The following STOX1 variants were observed in gnomAD, a reference collection of about 807,000 sequenced individuals.
STOX1 encodes storkhead-box protein 1.
STOX1 carries 57 observed loss-of-function variants against 74.8 expected under a neutral mutation model. That is an observed-to-expected ratio of 0.76 (90% confidence interval 0.62 to 0.95). The LOEUF (loss-of-function observed/expected upper bound fraction) is 0.95. Among genes scored for constraint, STOX1 ranks in the 40% least tolerant of loss-of-function variants. The pLI, the probability that STOX1 is intolerant of heterozygous loss-of-function variation, is 0.00. For missense variants in STOX1, 1,010 were observed against 1,117.0 expected, an observed-to-expected ratio of 0.90 and a Z score of 1.37; for synonymous variants, 375 against 401.3, an observed-to-expected ratio of 0.93 and a Z score of 0.78.
At position 68,886,249 on chromosome 10, in the gene STOX1, C is replaced by T. The variant is rs1300030682; in HGVS notation, c.2453C>T (p.Ser818Phe). 6.2e-7 allele frequency: 1 copy of T among 1,614,222 alleles called. No individual in the cohort carries two copies. Residue 818 changes from serine (S) to phenylalanine (F), a missense_variant, in exon 3 of 4, where the codon TCT (serine) becomes TTT (phenylalanine). Coordinates refer to ENST00000298596, the MANE Select transcript of STOX1 (RefSeq NM_152709.5). ...GGTGAAAGCCAAGAACCTAACCTCT[C>T]TGCTGAAAGTTGTGGCCTAAATTCA... ...TPGESQEPNL[S>F]AESCGLNSGA...
intron 1 of STOX1, among the ~76,000 whole-genome samples, chr10:68,863,367 C>T (rs982687287): frequency 5.9e-5 from 9 of 151,874 alleles, no homozygotes; most frequent in South Asian, 2.1e-4. Flanking sequence ...TCAGGTTCTT[C>T]GGGATCCTCC....
intron 1 of STOX1, among the ~76,000 whole-genome samples, chr10:68,836,420 C>T (rs576970799): frequency 6.6e-6 from 1 of 152,336 alleles, no homozygotes; most frequent in South Asian, 2.1e-4. Context: ...TTCTTGTTCA[C>T]TAGACAAACC....
intron 1 of STOX1, among the ~76,000 whole-genome samples, chr10:68,830,389 C>G (rs1200440927): frequency 6.6e-6 from 1 of 152,136 alleles, no homozygotes; most frequent in African/African-American, 2.4e-5. Context: ...GCTGCTCAGG[C>G]TGGAGTGCAA....
chr10:68,831,353 A>G (rs1443970532), intron 1 of STOX1, among the ~76,000 whole-genome samples: 6 of 151,758 alleles, frequency 4.0e-5, no homozygotes, highest in African/African-American at 1.5e-4. Context: ...TGCCCAGCTA[A>G]TTTTTGTATT....
chr10:68,827,758 G>A lies in STOX1; in HGVS notation c.135G>A (p.Ala45=). Residue 45 remains alanine, a synonymous_variant, in exon 1 of 4, where the codon GCG becomes GCA. Transcript: ENST00000298596. ...TCCGCGCTTTCCGTCGCGCCAACGCGCGCTGCTTCTGGAACGCGCGGCTGG... is the reference window on the plus strand; with the variant it reads ...TCCGCGCTTTCCGTCGCGCCAACGCACGCTGCTTCTGGAACGCGCGGCTGG... The part of the protein sequence containing the change: ...AVFRAFRRAN[A]RCFWNARLAR... The A allele has an allele frequency of 1.1e-5, 8 of 749,508 alleles. No individual in the cohort carries two copies. The highest frequency in any genetic ancestry group is 2.5e-5 in the African/African-American group (1 of 40,508). The allele number at this position is 749,508 out of a possible 1,614,324, so 46.4% of individuals were successfully genotyped here.
At chr10:68,831,136 A>G (rs774177467) in intron 1 of STOX1, among the ~76,000 whole-genome samples, 2 of 152,224 alleles carry the variant, frequency 1.3e-5, no homozygotes, top group African/African-American at 2.4e-5. Context: ...GCAAAATGCT[A>G]GAAAAGGACA....
intron 1 of STOX1, among the ~76,000 whole-genome samples, chr10:68,873,905 T>C (rs192339045): frequency 1.3e-5 from 2 of 151,376 alleles, no homozygotes; most frequent in Non-Finnish European, 2.9e-5. Context: ...CGCCTCGGCC[T>C]CTCAAAGTGC....
chr10:68,885,691 G>A lies in STOX1; in HGVS notation c.1895G>A (p.Gly632Glu), dbSNP rs1372051518. 1 of 1,614,074 alleles carries A rather than the reference G, an allele frequency of 6.2e-7. No individual in the cohort carries two copies. The highest frequency in any genetic ancestry group is 1.1e-5 in the South Asian group (1 of 91,070). The stretch of plus-strand genomic sequence containing the variant: ...AGTCATTCCCACTTTGACAAATTAG[G>A]GGAGACCAAACAGACTCCGCATAGT... ...RKSHSHFDKL[G>E]ETKQTPHSLP... Residue 632 changes from glycine to glutamate, a missense_variant, in exon 3 of 4, where the codon GGG (glycine) becomes GAG (glutamate). By Grantham distance (98) the Gly-to-Glu change is moderately conservative. Coordinates refer to ENST00000298596, the MANE Select transcript of STOX1 (RefSeq NM_152709.5).
Position 68,888,094 on chromosome 10 carries a change from C to T in STOX1, c.2822+1476C>T, listed in dbSNP as rs116864498. On this transcript the variant is annotated intron_variant, in intron 3 of 3. Coordinates refer to ENST00000298596, the MANE Select transcript of STOX1 (RefSeq NM_152709.5). ...ACACGCGCGCACACACGCACACACA[C>T]GCGCACACACACATATATGTTTTGA... Among the ~76,000 whole-genome samples, 472 of 151,956 alleles carry T rather than the reference C, an allele frequency of 3.1e-3. 3 individuals are homozygous for T. Among genetic ancestry groups the T allele is most frequent in the Non-Finnish European group, 5.8e-3 (392 of 67,960 alleles).
intron 1 of STOX1, among the ~76,000 whole-genome samples, chr10:68,864,683 T>C (rs1012097675): frequency 6.6e-6 from 1 of 152,200 alleles, no homozygotes; most frequent in Non-Finnish European, 1.5e-5. Flanking sequence ...GAATGATAAG[T>C]TGGAAAAATT....
Position 68,885,592 on chromosome 10 carries a change from C to T in STOX1, c.1796C>T (p.Pro599Leu). The change falls in exon 3 of 4, where the codon CCC becomes CTC. Residue 599 changes from proline to leucine, a missense_variant. Coordinates refer to ENST00000298596, the MANE Select transcript of STOX1 (RefSeq NM_152709.5). ...SMLQNDGKCC[P>L]FMESMLRYEV... Reference sequence around the variant, plus strand: ...TTGCAAAATGATGGTAAATGCTGTCCCTTTATGGAAAGCATGTTGAGATAT... The same window carrying T: ...TTGCAAAATGATGGTAAATGCTGTCTCTTTATGGAAAGCATGTTGAGATAT... 3 of 1,614,058 alleles carry T rather than the reference C, an allele frequency of 1.9e-6. No individual in the cohort carries two copies. The highest frequency in any genetic ancestry group is 2.2e-5 in the South Asian group (2 of 91,076).
At chr10:68,894,886 T>C (rs1841166002), downstream of STOX1, among the ~76,000 whole-genome samples, 1 of 152,096 alleles carries the variant, frequency 6.6e-6, no homozygotes. Context: ...CCACCAGGCT[T>C]GTCTTAATTT....
intron 1 of STOX1, among the ~76,000 whole-genome samples, chr10:68,872,864 T>C (rs565717788): frequency 6.6e-6 from 1 of 152,178 alleles, no homozygotes; most frequent in South Asian, 2.1e-4. Context: ...CCTCTTGGAA[T>C]TGGTTTTGGT....
In STOX1 at chr10:68,892,298, C is replaced by T. The variant is rs116222746; in HGVS notation, c.2823-291C>T. 8.2e-3 allele frequency among the ~76,000 whole-genome samples: 1,225 copies of T among 149,992 alleles called. 25 individuals carry two copies. Among genetic ancestry groups the T allele is most frequent in the African/African-American group, 0.029 (1,155 of 40,332 alleles). On this transcript the variant is annotated intron_variant, in intron 3 of 3. Coordinates refer to ENST00000298596, the MANE Select transcript of STOX1 (RefSeq NM_152709.5). ...CCACTTCAGATATATGGAAGTTTTT[C>T]GGGGAACTTACTGTTTCTGACTAGA...
At chr10:68,833,027 C>G (rs1178623590) in intron 1 of STOX1, among the ~76,000 whole-genome samples, 2 of 151,126 alleles carry the variant, frequency 1.3e-5, no homozygotes, top group East Asian at 3.9e-4. Context: ...GCCTCTGCCT[C>G]TCAAAGTGCT....
chr10:68,857,337 C>G (rs1006999530), intron 1 of STOX1, among the ~76,000 whole-genome samples: 3 of 151,984 alleles, frequency 2.0e-5, no homozygotes, highest in Non-Finnish European at 4.4e-5. Flanking sequence ...CCCTCCCCTC[C>G]TGAAAGGAGG....
chr10:68,884,309 G>A lies in STOX1; in HGVS notation c.513G>A (p.Leu171=). The part of the protein sequence containing the change: ...EDILYTTLGT[L]IKERKIYHTG... The stretch of plus-strand genomic sequence containing the variant: ...TTCTTTATACCACTCTGGGAACGCT[G>A]ATTAAAGAAAGGAAGATTTATCACA... Residue 171 remains leucine (L), a synonymous_variant, in exon 3 of 4, where the codon CTG becomes CTA. Coordinates refer to ENST00000298596, the MANE Select transcript of STOX1 (RefSeq NM_152709.5). The A allele has an allele frequency of 6.2e-7, 1 of 1,614,138 alleles. No individual in the cohort carries two copies. The highest frequency in any genetic ancestry group is 8.5e-7 in the Non-Finnish European group (1 of 1,180,046).
At chr10:68,832,179 T>C (rs192621012) in intron 1 of STOX1, among the ~76,000 whole-genome samples, 1 of 151,988 alleles carries the variant, frequency 6.6e-6, no homozygotes, top group African/African-American at 2.4e-5. Flanking sequence ...GGGAAGGAGG[T>C]ACTGCAGGGA....
intron 1 of STOX1, among the ~76,000 whole-genome samples, chr10:68,874,635 T>C (rs1589232692): frequency 1.3e-5 from 1 of 76,806 alleles, no homozygotes; most frequent in Admixed American, 1.6e-4. Context: ...CACTCCAGCC[T>C]GGGCGACAGA....
Sources: allele counts gnomAD v4.1 joint callset (sites outside exome capture counted in the v4.1 genomes callset), GRCh38; gene constraint gnomAD v4.1.1; transcripts MANE v1.5; gene names NCBI Gene and HGNC (gene_info 2026-07-23, HGNC 2026-07-21).